The following DRD2 variants were observed in gnomAD, a reference collection of about 807,000 sequenced individuals.
The protein encoded by DRD2 is dopamine receptor D2, also known as D(2) dopamine receptor.
In DRD2, 8 loss-of-function variants were observed where a neutral mutation model predicts 38.0. That is an observed-to-expected ratio of 0.21 (90% CI 0.12 to 0.38). DRD2 has a LOEUF of 0.38. Among genes scored for constraint, DRD2 ranks in the 10% least tolerant of loss-of-function variants. The pLI is 1.00. For missense variants in DRD2, 403 were observed against 607.7 expected (o/e 0.66, Z 3.54); for synonymous variants, 230 against 238.6 (o/e 0.96, Z 0.33).
intron 1 of DRD2, chr11:113,450,040 C>A (rs1261145097): frequency 6.5e-6 from 1 of 154,506 alleles, no homozygotes; most frequent in Non-Finnish European, 1.5e-5. Context: ...GCACCTGCCA[C>A]CCTCCACGAA....
intron 6 of DRD2, 194 bp downstream of exon 6, chr11:113,414,181 C>A (rs756273562): frequency 7.5e-5 from 52 of 690,272 alleles, no homozygotes; most frequent in Non-Finnish European, 1.3e-4. Context: ...CACATCCATG[C>A]CTTGCAGAAC....
chr11:113,433,390 T>C (rs1591286042), intron 1 of DRD2, among the ~76,000 whole-genome samples: 1 of 152,202 alleles, frequency 6.6e-6, no homozygotes, highest in East Asian at 1.9e-4. Flanking sequence ...TCAGCACTAC[T>C]GTGGGGGAAC....
In DRD2 at chr11:113,475,259, C is replaced by T. The variant is rs1951471330; in HGVS notation, c.-215G>A. On this transcript the variant is annotated 5_prime_UTR_variant, in exon 1 of 8. Coordinates refer to ENST00000362072, the MANE Select transcript of DRD2 (RefSeq NM_000795.4). ...CCCCGGCGGGCAGCAGCTCGGCCGGCTCTGGCCCGCGGGGAGCAGTGGACG... is the reference window on the plus strand; with the variant it reads ...CCCCGGCGGGCAGCAGCTCGGCCGGTTCTGGCCCGCGGGGAGCAGTGGACG... The T allele has an allele frequency of 1.3e-5, 2 of 149,014 alleles. No individual in the cohort carries two copies. Among genetic ancestry groups the T allele is most frequent in the Non-Finnish European group, 3.0e-5 (2 of 66,676 alleles). The allele number at this position is 149,014 out of a possible 1,614,324, so 9.2% of individuals were successfully genotyped here.
intron 1 of DRD2, among the ~76,000 whole-genome samples, chr11:113,432,810 T>C (rs1951000799): frequency 6.6e-6 from 1 of 152,158 alleles, no homozygotes. Flanking sequence ...TTTTAGCATC[T>C]CTTGCAACTT....
At chr11:113,463,275 T>A (rs1951339493) in intron 1 of DRD2, among the ~76,000 whole-genome samples, 1 of 152,198 alleles carries the variant, frequency 6.6e-6, no homozygotes, top group Non-Finnish European at 1.5e-5. Context: ...TTTTTGGAGC[T>A]GGTTAAATTG....
At chr11:113,436,477 CA>C (rs1180521589) in intron 1 of DRD2, among the ~76,000 whole-genome samples, 1 of 152,088 alleles carries the variant, frequency 6.6e-6, no homozygotes, top group East Asian at 1.9e-4. Context: ...AAAATCTAAA[CA>C]GTAGATTTTT....
chr11:113,444,444 T>C (rs1283335265), intron 1 of DRD2, among the ~76,000 whole-genome samples: 2 of 152,232 alleles, frequency 1.3e-5, no homozygotes, highest in African/African-American at 4.8e-5. Flanking sequence ...CATTTTTAAA[T>C]GAATTCCCTG....
At chr11:113,417,215 T>G (rs1236730869) in intron 3 of DRD2, among the ~76,000 whole-genome samples, 1 of 152,218 alleles carries the variant, frequency 6.6e-6, no homozygotes, top group East Asian at 1.9e-4. Flanking sequence ...ACTGGTGAGC[T>G]ATTGTTTACT....
chr11:113,434,119 C>T (rs546512984), intron 1 of DRD2, among the ~76,000 whole-genome samples: 28 of 152,316 alleles, frequency 1.8e-4, no homozygotes, highest in African/African-American at 5.8e-4. Context: ...GCTCAGAGCC[C>T]GTCTTCTCAC....
intron 1 of DRD2, among the ~76,000 whole-genome samples, chr11:113,430,305 C>T (rs1950974507): frequency 6.6e-6 from 1 of 152,196 alleles, no homozygotes; most frequent in Admixed American, 6.5e-5. Flanking sequence ...GACTGTCATA[C>T]TAATCACCAC....
At position 113,442,041 on chromosome 11, in the gene DRD2, G is replaced by A. The variant is rs562648542; in HGVS notation, c.-31-17359C>T. Among the ~76,000 whole-genome samples, 23 of 151,948 alleles carry A rather than the reference G, an allele frequency of 1.5e-4. 1 individual carries two copies. In the Middle Eastern group the frequency reaches 0.014, roughly 90 times the overall value. On this transcript the variant is annotated intron_variant, in intron 1 of 7. Transcript: ENST00000362072. ...AGAGTCCTTATCCTTTAAAGATAACGCACTGAAATATTTACAGATGAAATT... is the reference window on the plus strand; with the variant it reads ...AGAGTCCTTATCCTTTAAAGATAACACACTGAAATATTTACAGATGAAATT...
At chr11:113,418,977 C>A (rs561253854) in intron 2 of DRD2, among the ~76,000 whole-genome samples, 67 of 152,354 alleles carry the variant, frequency 4.4e-4, no homozygotes, top group African/African-American at 1.6e-3. Flanking sequence ...ATGGCACTGG[C>A]TTCCCTGTGT....
intron 1 of DRD2, among the ~76,000 whole-genome samples, chr11:113,473,913 T>C (rs558359479): frequency 3.9e-5 from 6 of 152,256 alleles, no homozygotes; most frequent in Admixed American, 2.6e-4. Context: ...GGGAGAATCG[T>C]TGAACATCTA....
rs200858680 is a variant in DRD2, at chr11:113,410,681, G to A, written c.*46C>T. 4.8e-5 allele frequency: 77 copies of A among 1,612,144 alleles called. No homozygotes were observed. Among genetic ancestry groups the A allele is most frequent in the Non-Finnish European group, 6.0e-5 (71 of 1,178,926 alleles). On this transcript the variant is annotated 3_prime_UTR_variant, in exon 8 of 8. Transcript: ENST00000362072. ...TCGCAAGGGTGAGGCTGGCCGGCCT[G>A]GGCAGGGAGGTGGGAAGCAGGCTGC...
chr11:113,468,293 C>G (rs1477994588), intron 1 of DRD2, among the ~76,000 whole-genome samples: 1 of 152,120 alleles, frequency 6.6e-6, no homozygotes, highest in South Asian at 2.1e-4. Flanking sequence ...GGTTTAACTA[C>G]CATATGGTGT....
intron 5 of DRD2, chr11:113,415,209 G>T: frequency 2.0e-6 from 1 of 489,562 alleles, no homozygotes; most frequent in Non-Finnish European, 3.5e-6. Context: ...GTTATTTAGT[G>T]TCATGGACCC....
At chr11:113,413,871 A>G (rs1591273507) in intron 6 of DRD2, 1 of 238,046 alleles carries the variant, frequency 4.2e-6, no homozygotes, top group African/African-American at 2.2e-5. Context: ...GCTGCGTCCT[A>G]CCCCAGAACC....
At chr11:113,424,213 G>T in intron 2 of DRD2, 154 bp downstream of exon 2, 1 of 762,410 alleles carries the variant, frequency 1.3e-6, no homozygotes, top group Admixed American at 2.6e-5. Context: ...TACCCATTTC[G>T]TAAGGAGAAA....
intron 2 of DRD2, among the ~76,000 whole-genome samples, chr11:113,421,525 G>A (rs1950883947): frequency 6.6e-6 from 1 of 152,144 alleles, no homozygotes; most frequent in African/African-American, 2.4e-5. Flanking sequence ...GTGGACATCA[G>A]GAACTCTTCC....
Sources: gnomAD v4.1 joint callset for allele counts (sites outside exome capture counted in the v4.1 genomes callset) on GRCh38, gnomAD v4.1.1 for gene constraint, MANE v1.5 for transcripts, NCBI Gene and HGNC (gene_info 2026-07-23, HGNC 2026-07-21) for gene names.